The following ELMO1 variants were observed in gnomAD, a reference collection of about 807,000 sequenced individuals.
ELMO1 encodes engulfment and cell motility protein 1.
A neutral mutation model predicts 98.9 loss-of-function variants in ELMO1; 26 were observed. That is an observed-to-expected ratio of 0.26 (90% CI 0.19 to 0.36). The LOEUF (loss-of-function observed/expected upper bound fraction) is 0.36. ELMO1 is among the 10% of genes least tolerant of loss of function. The probability of loss-of-function intolerance (pLI) is 1.00; values close to 1 mark genes in which losing one functional copy is unlikely to be tolerated. For synonymous variants in ELMO1, 346 were observed against 346.0 expected, an observed-to-expected ratio of 1.00 and a Z score of 0.00; for missense variants, 627 against 935.2, an observed-to-expected ratio of 0.67 and a Z score of 4.30.
chr7:37,178,118 A>G (rs575851644), intron 13 of ELMO1, among the ~76,000 whole-genome samples: 2 of 152,140 alleles, frequency 1.3e-5, no homozygotes, highest in East Asian at 3.9e-4. Flanking sequence ...GTCCGTTTTC[A>G]TGCTGCTGAT....
intron 1 of ELMO1, chr7:37,351,352 G>A (rs548590356): frequency 4.6e-4 from 70 of 152,326 alleles, no homozygotes; most frequent in African/African-American, 1.4e-3. Flanking sequence ...AGTGGCTTGC[G>A]CCTGTAATCC....
intron 15 of ELMO1, among the ~76,000 whole-genome samples, chr7:37,025,828 A>G (rs1794534487): frequency 6.6e-6 from 1 of 150,988 alleles, no homozygotes; most frequent in South Asian, 2.1e-4. Context: ...CATATATATC[A>G]TATATATTCT....
chr7:36,960,774 C>T (rs747455544), intron 16 of ELMO1, among the ~76,000 whole-genome samples: 1 of 152,130 alleles, frequency 6.6e-6, no homozygotes, highest in African/African-American at 2.4e-5. Context: ...TTGGAGATCC[C>T]TTGAATTAGA....
chr7:37,182,659 A>G (rs1790956554), intron 13 of ELMO1, among the ~76,000 whole-genome samples: 1 of 151,036 alleles, frequency 6.6e-6, no homozygotes, highest in Non-Finnish European at 1.5e-5. Context: ...CCTTTTACTT[A>G]GAGAGGTGCA....
intron 2 of ELMO1, among the ~76,000 whole-genome samples, chr7:37,341,835 G>A (rs1800738829): frequency 6.6e-6 from 1 of 152,186 alleles, no homozygotes; most frequent in Non-Finnish European, 1.5e-5. Context: ...TATGAAACCT[G>A]TAAGTATATA....
chr7:37,091,244 A>C (rs1420853321), intron 15 of ELMO1, among the ~76,000 whole-genome samples: 3 of 152,014 alleles, frequency 2.0e-5, no homozygotes, highest in Admixed American at 6.5e-5. Context: ...AGTAACTGGG[A>C]ATACAGGCAT....
At chr7:37,049,170 A>G (rs1438403736) in intron 15 of ELMO1, among the ~76,000 whole-genome samples, 2 of 152,092 alleles carry the variant, frequency 1.3e-5, no homozygotes, top group African/African-American at 2.4e-5. Flanking sequence ...TTAAGCACCT[A>G]ATGTACCACC....
chr7:36,864,467 C>A (rs2129035858), intron 20 of ELMO1, among the ~76,000 whole-genome samples: 1 of 152,292 alleles, frequency 6.6e-6, no homozygotes, highest in Non-Finnish European at 1.5e-5. Context: ...GGAATTAATT[C>A]TCTGAGCTGC....
chr7:36,895,091 G>C lies in ELMO1; in HGVS notation c.1438-74C>G, dbSNP rs926392786. On this transcript the variant is annotated intron_variant, in intron 16 of 21. Coordinates refer to ENST00000310758, the MANE Select transcript of ELMO1 (RefSeq NM_014800.11). ...ATTCAGAAAAGTCTTTCCGAGTTAA[G>C]GGCTCCCTGCTTCCCTGGTGCCCTC... The C allele has an allele frequency of 3.8e-6, 6 of 1,565,356 alleles. No homozygotes were observed. The Admixed American group carries it at 1.1e-4, about 28-fold the overall frequency.
rs1802367881 is a variant in ELMO1, at chr7:37,376,812, C to T, written c.-73-34049G>A. 2.0e-5 allele frequency among the ~76,000 whole-genome samples: 3 copies of T among 152,194 alleles called. No homozygotes were observed. The South Asian group carries it at 6.2e-4, about 32-fold the overall frequency. On this transcript the variant is annotated intron_variant, in intron 1 of 21. Coordinates refer to ENST00000310758, the MANE Select transcript of ELMO1 (RefSeq NM_014800.11). ...ATTCCCTATTTCAACACCACCGTCT[C>T]AGCGTTTTGGCTTTATCTGTGTAGC...
At chr7:37,228,203 A>G (rs1200420976) in intron 8 of ELMO1, among the ~76,000 whole-genome samples, 1 of 152,264 alleles carries the variant, frequency 6.6e-6, no homozygotes, top group Non-Finnish European at 1.5e-5. Context: ...AGTGAATGTA[A>G]TAACTGTCGT....
intron 4 of ELMO1, among the ~76,000 whole-genome samples, chr7:37,285,899 C>G (rs1222740036): frequency 6.6e-6 from 1 of 152,110 alleles, no homozygotes; most frequent in Non-Finnish European, 1.5e-5. Flanking sequence ...TTTTAACTTA[C>G]CCCTCAATCA....
intron 1 of ELMO1, among the ~76,000 whole-genome samples, chr7:37,382,535 T>A (rs6968878): frequency 6.6e-6 from 1 of 152,008 alleles, no homozygotes; most frequent in Non-Finnish European, 1.5e-5. Flanking sequence ...AGAAGATAAA[T>A]TCTTGTAAAG....
intron 15 of ELMO1, among the ~76,000 whole-genome samples, chr7:37,027,288 G>A (rs1331211234): frequency 2.6e-5 from 4 of 152,124 alleles, no homozygotes; most frequent in African/African-American, 9.7e-5. Context: ...TTAAAATACA[G>A]AGACATAGCC....
In ELMO1 at chr7:37,307,183, T is replaced by A. The variant is rs1798654125; in HGVS notation, c.192+7667A>T. The stretch of plus-strand genomic sequence containing the variant: ...GTATGTCCAAAGGGGAAGTTAAAAT[T>A]TGATATAAATTAGTCAGGTGACATG... On this transcript the variant is annotated intron_variant, in intron 4 of 21. Transcript: ENST00000310758. 2.6e-5 allele frequency among the ~76,000 whole-genome samples: 4 copies of A among 152,180 alleles called. No individual in the cohort carries two copies. In the South Asian group the frequency reaches 8.3e-4, roughly 31 times the overall value.
chr7:36,870,251 A>T lies in ELMO1; in HGVS notation c.1905+142T>A. The T allele has an allele frequency of 1.5e-6, 1 of 652,804 alleles. No homozygotes were observed. The highest frequency in any genetic ancestry group is 2.6e-6 in the Non-Finnish European group (1 of 379,296). The allele number at this position is 652,804 out of a possible 1,614,324, so 40.4% of individuals were successfully genotyped here. On this transcript the variant is annotated intron_variant, in intron 20 of 21. Transcript: ENST00000310758. This position sits in a 1 kb window ranked among gnomAD's most constrained non-coding sequence, Gnocchi z 4.4. ...TAAGAGACGTAAAAGGAATCGGGAC[A>T]GGAAACAGGAGAGCTGAATAAGAGA...
chr7:36,902,533 C>T (rs1004396185), intron 16 of ELMO1, among the ~76,000 whole-genome samples: 1 of 152,176 alleles, frequency 6.6e-6, no homozygotes, highest in Non-Finnish European at 1.5e-5. Flanking sequence ...ACATCAAAAA[C>T]GAAGTTAAGT....
chr7:37,341,094 T>A (rs1289906801), intron 2 of ELMO1, among the ~76,000 whole-genome samples: 1 of 151,148 alleles, frequency 6.6e-6, no homozygotes, highest in Non-Finnish European at 1.5e-5. Context: ...GGTCAGGAGG[T>A]CTGGAATAAG....
chr7:36,969,869 A>G (rs572565591), intron 16 of ELMO1, among the ~76,000 whole-genome samples: 1 of 152,286 alleles, frequency 6.6e-6, no homozygotes, highest in South Asian at 2.1e-4. Flanking sequence ...TCCCTTTATG[A>G]ACCCCTTTAG....
Sources: gnomAD v4.1 joint callset for allele counts (sites outside exome capture counted in the v4.1 genomes callset) on GRCh38, gnomAD v4.1.1 for gene constraint, Gnocchi (gnomAD v3.1) non-coding constraint, MANE v1.5 for transcripts, NCBI Gene and HGNC (gene_info 2026-07-23, HGNC 2026-07-21) for gene names.